The following TMEM45A variants were observed in gnomAD, a reference collection of about 807,000 sequenced individuals.
TMEM45A encodes the protein transmembrane protein 45A.
In TMEM45A, 25 loss-of-function variants were observed where a neutral mutation model predicts 32.0. That is an observed-to-expected ratio of 0.78 (90% confidence interval 0.57 to 1.09). TMEM45A has a LOEUF of 1.09. TMEM45A is among the 50% of genes least tolerant of loss of function. The probability of loss-of-function intolerance (pLI) is 0.00; values close to 1 mark genes in which losing one functional copy is unlikely to be tolerated. For missense variants in TMEM45A, 302 were observed against 325.0 expected, an observed-to-expected ratio of 0.93 and a Z score of 0.54; for synonymous variants, 122 against 114.8, an observed-to-expected ratio of 1.06 and a Z score of -0.40.
intron 1 of TMEM45A, among the ~76,000 whole-genome samples, chr3:100,553,281 C>A (rs971016896): frequency 6.6e-6 from 1 of 152,046 alleles, no homozygotes; most frequent in Admixed American, 6.6e-5. Context: ...AATTCAAAGC[C>A]CCTTCCCCTA....
intron 2 of TMEM45A, among the ~76,000 whole-genome samples, chr3:100,555,767 T>G (rs567411780): frequency 7.9e-5 from 12 of 152,320 alleles, no homozygotes; most frequent in African/African-American, 2.9e-4. Context: ...AGCCTCTCCA[T>G]TATAAAAGAT....
intron 1 of TMEM45A, among the ~76,000 whole-genome samples, chr3:100,497,965 A>G (rs1161005233): frequency 6.6e-6 from 1 of 152,172 alleles, no homozygotes; most frequent in Non-Finnish European, 1.5e-5. Flanking sequence ...TCCCCACCCA[A>G]ACCTCATCTT....
intron 3 of TMEM45A, among the ~76,000 whole-genome samples, chr3:100,557,285 A>T (rs1309024217): frequency 6.6e-6 from 1 of 152,152 alleles, no homozygotes; most frequent in Non-Finnish European, 1.5e-5. Context: ...TTTCACTTTT[A>T]ACAAACGAAA....
At chr3:100,564,151 G>A (rs1473635130) in intron 4 of TMEM45A, among the ~76,000 whole-genome samples, 2 of 152,150 alleles carry the variant, frequency 1.3e-5, no homozygotes, top group African/African-American at 4.8e-5. Flanking sequence ...AGGGAAAGAG[G>A]AAGTTATTGT....
chr3:100,496,266 C>T (rs1052950096), intron 1 of TMEM45A, among the ~76,000 whole-genome samples: 1 of 152,174 alleles, frequency 6.6e-6, no homozygotes, highest in South Asian at 2.1e-4. Context: ...GATACATCTG[C>T]GACTAATATT....
intron 1 of TMEM45A, among the ~76,000 whole-genome samples, chr3:100,516,313 A>G (rs534579570): frequency 6.6e-6 from 1 of 152,256 alleles, no homozygotes; most frequent in East Asian, 1.9e-4. Context: ...AATTGTGATA[A>G]GTGTTGCTGG....
At chr3:100,552,297 A>G (rs1377022767) in intron 1 of TMEM45A, among the ~76,000 whole-genome samples, 1 of 152,106 alleles carries the variant, frequency 6.6e-6, no homozygotes, top group Non-Finnish European at 1.5e-5. Context: ...ATAATATGGT[A>G]ATGGTCATAG....
chr3:100,558,497 G>A lies in TMEM45A; in HGVS notation c.496G>A (p.Val166Ile), dbSNP rs79751571. The A allele has an allele frequency of 2.2e-3, 3,513 of 1,614,084 alleles. 55 individuals carry two copies. In the African/African-American group the frequency reaches 0.041, roughly 19 times the overall value. The change falls in exon 4 of 6, where the codon GTT (valine) becomes ATT (isoleucine). Residue 166 changes from valine (V) to isoleucine (I), a missense_variant. Physicochemically the swap from Val to Ile is conservative, Grantham distance 29. Transcript: ENST00000323523. ...LVLVVFLTGL[V>I]AFLEFLVRNN... ...TTTGGTCGTCTTTCTGACAGGCCTCGTTGCCTTCCTAGAGTTCCTTGTTCG... is the reference window on the plus strand; with the variant it reads ...TTTGGTCGTCTTTCTGACAGGCCTCATTGCCTTCCTAGAGTTCCTTGTTCG...
intron 1 of TMEM45A, among the ~76,000 whole-genome samples, chr3:100,545,491 G>A (rs973588941): frequency 1.3e-5 from 2 of 152,132 alleles, no homozygotes; most frequent in Admixed American, 6.5e-5. Flanking sequence ...TGACTACAAT[G>A]TCTCCTGCAT....
At chr3:100,516,284 A>G (rs1479394567) in intron 1 of TMEM45A, among the ~76,000 whole-genome samples, 2 of 152,190 alleles carry the variant, frequency 1.3e-5, no homozygotes, top group African/African-American at 4.8e-5. Flanking sequence ...TGGAAACTTG[A>G]TATAATCTAA....
intron 1 of TMEM45A, among the ~76,000 whole-genome samples, chr3:100,511,158 A>T (rs1316879084): frequency 6.6e-6 from 1 of 151,856 alleles, no homozygotes; most frequent in East Asian, 1.9e-4. Context: ...AGCAACTCCA[A>T]GACACATAAT....
At chr3:100,502,913 G>A (rs1191079944) in intron 1 of TMEM45A, among the ~76,000 whole-genome samples, 1 of 152,190 alleles carries the variant, frequency 6.6e-6, no homozygotes, top group Non-Finnish European at 1.5e-5. Flanking sequence ...TGAAAAGGGA[G>A]TAAAAAAGGT....
At position 100,523,641 on chromosome 3, in the gene TMEM45A, TTCC is replaced by T. The variant is rs201270590; in HGVS notation, c.-4+30727_-4+30729del. Among the ~76,000 whole-genome samples, 44 of 151,876 alleles carry T rather than the reference TTCC, an allele frequency of 2.9e-4. 1 individual carries two copies. In the East Asian group the frequency reaches 7.0e-3, roughly 24 times the overall value. Reference sequence around the variant, plus strand: ...CTTTTAGCTTGAATCTTTTCTCCTCTTCCTCCTCCTCCTCCTTCTCTTCTTCCT... The same window carrying T: ...CTTTTAGCTTGAATCTTTTCTCCTCTTCCTCCTCCTCCTTCTCTTCTTCCT... On this transcript the variant is annotated intron_variant, in intron 1 of 5. Coordinates refer to ENST00000323523, the MANE Select transcript of TMEM45A (RefSeq NM_018004.3).
intron 1 of TMEM45A, among the ~76,000 whole-genome samples, chr3:100,553,174 A>G (rs922384081): frequency 1.3e-5 from 2 of 152,188 alleles, no homozygotes; most frequent in South Asian, 2.1e-4. Context: ...GTCCCATTTT[A>G]CAGAAGAGAA....
intron 1 of TMEM45A, among the ~76,000 whole-genome samples, chr3:100,532,667 C>T (rs749312515): frequency 3.3e-5 from 5 of 152,158 alleles, no homozygotes; most frequent in Admixed American, 6.5e-5. Context: ...ATAGTTGTTA[C>T]GGTGAGTTTT....
At chr3:100,513,662 A>G (rs549704590) in intron 1 of TMEM45A, among the ~76,000 whole-genome samples, 1 of 150,934 alleles carries the variant, frequency 6.6e-6, no homozygotes, top group African/African-American at 2.4e-5. Flanking sequence ...AGGGTATTCA[A>G]TTAGGAAAAG....
intron 5 of TMEM45A, among the ~76,000 whole-genome samples, chr3:100,575,563 A>G (rs1559657241): frequency 6.6e-6 from 1 of 151,754 alleles, no homozygotes; most frequent in Non-Finnish European, 1.5e-5. Flanking sequence ...GTAGAGACGG[A>G]GTTTTGCCAT....
At chr3:100,540,093 A>C (rs368018206) in intron 1 of TMEM45A, among the ~76,000 whole-genome samples, 2 of 152,324 alleles carry the variant, frequency 1.3e-5, no homozygotes, top group East Asian at 3.9e-4. Context: ...TCCATGAAAG[A>C]AAAAATATAA....
chr3:100,536,081 G>A (rs894220675), intron 1 of TMEM45A, among the ~76,000 whole-genome samples: 8 of 152,096 alleles, frequency 5.3e-5, no homozygotes, highest in Non-Finnish European at 1.0e-4. Context: ...GTCACATCTA[G>A]GGGGAAGGTA....
Sources: gnomAD v4.1 joint callset for allele counts (sites outside exome capture counted in the v4.1 genomes callset) on GRCh38, gnomAD v4.1.1 for gene constraint, MANE v1.5 for transcripts, NCBI Gene and HGNC (gene_info 2026-07-23, HGNC 2026-07-21) for gene names.